CSMD1: variants seen among roughly 807,000 people sequenced by gnomAD.
CSMD1 encodes CUB and sushi domain-containing protein 1.
A neutral mutation model predicts 417.5 loss-of-function variants in CSMD1; 213 were observed. The observed-to-expected ratio is 0.51, with a 90% confidence interval of 0.46 to 0.57. The LOEUF is 0.57. CSMD1 is among the 20% of genes least tolerant of loss of function. The pLI is 0.00. For missense variants in CSMD1, 6,923 were observed against 4,529.7 expected (o/e 1.53, Z -15.17); for synonymous variants, 2,862 against 1,736.8 (o/e 1.65, Z -16.11).
At chr8:3,847,194 C>T (rs890815061) in intron 5 of CSMD1, among the ~76,000 whole-genome samples, 1 of 152,114 alleles carries the variant, frequency 6.6e-6, no homozygotes, top group South Asian at 2.1e-4. Context: ...GGCGCGGTGT[C>T]ACTCTTACCA....
At chr8:4,927,218 G>C (rs1232812302) in intron 1 of CSMD1, among the ~76,000 whole-genome samples, 1 of 150,108 alleles carries the variant, frequency 6.7e-6, no homozygotes, top group Non-Finnish European at 1.5e-5. Flanking sequence ...GTGCTTTTTG[G>C]CTAATTTTTT....
At chr8:4,320,230 C>A (rs1799192018) in intron 3 of CSMD1, among the ~76,000 whole-genome samples, 1 of 152,022 alleles carries the variant, frequency 6.6e-6, no homozygotes, top group Non-Finnish European at 1.5e-5. Context: ...CAAAAATTAC[C>A]AGGCATGAAA....
At chr8:4,670,979 C>G (rs1292534865) in intron 1 of CSMD1, among the ~76,000 whole-genome samples, 1 of 152,232 alleles carries the variant, frequency 6.6e-6, no homozygotes, top group African/African-American at 2.4e-5. Flanking sequence ...CTCCTGACTA[C>G]AGCTTTATCA....
At chr8:4,377,871 C>T (rs1203211530) in intron 3 of CSMD1, among the ~76,000 whole-genome samples, 2 of 152,132 alleles carry the variant, frequency 1.3e-5, no homozygotes, top group South Asian at 2.1e-4. Flanking sequence ...TGATTACTGC[C>T]GAAATGAATT....
chr8:3,054,632 A>C (rs563342533), intron 49 of CSMD1, among the ~76,000 whole-genome samples: 5 of 149,392 alleles, frequency 3.3e-5, no homozygotes, highest in African/African-American at 1.2e-4. Flanking sequence ...ACAAACAAAA[A>C]ACACATGCGT....
chr8:4,098,695 C>G (rs1431914576), intron 3 of CSMD1, among the ~76,000 whole-genome samples: 3 of 152,192 alleles, frequency 2.0e-5, no homozygotes, highest in Admixed American at 6.5e-5. Context: ...GTTCTCATCT[C>G]TGTAGCACCT....
chr8:3,102,221 G>T (rs1417805611), intron 46 of CSMD1, among the ~76,000 whole-genome samples: 3 of 152,150 alleles, frequency 2.0e-5, no homozygotes, highest in African/African-American at 7.2e-5. Context: ...TAGTAGAAAA[G>T]TACTTAAAGA....
intron 5 of CSMD1, among the ~76,000 whole-genome samples, chr8:3,967,820 T>C (rs945791259): frequency 6.6e-6 from 1 of 151,876 alleles, no homozygotes; most frequent in Non-Finnish European, 1.5e-5. Flanking sequence ...AATATACGCT[T>C]ATAGATAAGG....
chr8:4,400,262 T>G (rs1804557560), intron 3 of CSMD1, among the ~76,000 whole-genome samples: 1 of 152,208 alleles, frequency 6.6e-6, no homozygotes, highest in Admixed American at 6.5e-5. Flanking sequence ...GCTCTCTGGT[T>G]TAATGAATTA....
At chr8:3,759,524 A>G (rs1041694957) in intron 5 of CSMD1, among the ~76,000 whole-genome samples, 1 of 152,114 alleles carries the variant, frequency 6.6e-6, no homozygotes, top group African/African-American at 2.4e-5. Flanking sequence ...AATAGTTTGG[A>G]AAATGAAAGA....
At chr8:3,027,664 G>C (rs1810036528) in intron 51 of CSMD1, among the ~76,000 whole-genome samples, 1 of 152,178 alleles carries the variant, frequency 6.6e-6, no homozygotes, top group South Asian at 2.1e-4. Context: ...AAACAAATTT[G>C]TGGCCCGAGA....
chr8:3,603,597 T>C (rs1801466670), intron 8 of CSMD1, among the ~76,000 whole-genome samples: 1 of 152,158 alleles, frequency 6.6e-6, no homozygotes, highest in South Asian at 2.1e-4. Flanking sequence ...TTCTTTGTCT[T>C]CCACTTAGGG....
At chr8:4,648,940 C>G (rs890050176) in intron 1 of CSMD1, among the ~76,000 whole-genome samples, 2 of 152,202 alleles carry the variant, frequency 1.3e-5, no homozygotes, top group Admixed American at 6.5e-5. Flanking sequence ...ATGAAGCCAG[C>G]ACTTCCTTAG....
chr8:3,087,355 G>T (rs769329414), intron 48 of CSMD1, 70 bp from the exon 49 acceptor site: 8 of 1,481,368 alleles, frequency 5.4e-6, no homozygotes, highest in South Asian at 1.2e-5. Flanking sequence ...TTGCCTTTGT[G>T]AGAGTCTATA....
intron 41 of CSMD1, among the ~76,000 whole-genome samples, chr8:3,131,267 T>A (rs1280373318): frequency 6.6e-6 from 1 of 151,906 alleles, no homozygotes; most frequent in Non-Finnish European, 1.5e-5. Context: ...TAGTAACATT[T>A]TGAAATATCT....
chr8:4,260,016 T>C (rs2656285), intron 3 of CSMD1, among the ~76,000 whole-genome samples: 84,461 of 136,638 alleles, frequency 0.62, 26,934 homozygotes, highest in Middle Eastern at 0.75. Context: ...ACATGTCTTC[T>C]TGTGCACACT....
intron 2 of CSMD1, among the ~76,000 whole-genome samples, chr8:4,445,675 A>AC (rs1187800588): frequency 6.6e-6 from 1 of 152,202 alleles, no homozygotes; most frequent in Admixed American, 6.5e-5. Context: ...AGAGAACATT[A>AC]CATTGTCACT....
chr8:3,738,033 T>C (rs1035679496), intron 6 of CSMD1, among the ~76,000 whole-genome samples: 2 of 152,216 alleles, frequency 1.3e-5, no homozygotes, highest in African/African-American at 2.4e-5. Context: ...CATGTCTCCC[T>C]TTCTGGTGTC....
intron 3 of CSMD1, among the ~76,000 whole-genome samples, chr8:4,193,388 G>GTAACTTTTTTCACTATTTACAATTTAAA (rs1563252014): frequency 6.6e-6 from 1 of 152,184 alleles, no homozygotes; most frequent in African/African-American, 2.4e-5. Flanking sequence ...GTATCAAAAT[G>GTAACTTTTTTCACTATTTACAATTTAAA]AATATTCCTG....
Sources: gnomAD v4.1 joint callset for allele counts (sites outside exome capture counted in the v4.1 genomes callset) on GRCh38, gnomAD v4.1.1 for gene constraint, MANE v1.5 for transcripts, NCBI Gene and HGNC (gene_info 2026-07-23, HGNC 2026-07-21) for gene names.